The following SAMD8 variants were observed in gnomAD, a reference collection of about 807,000 sequenced individuals.
SAMD8 encodes the protein sphingomyelin synthase-related protein 1.
SAMD8 carries 20 observed loss-of-function variants against 42.0 expected under a neutral mutation model. That is an observed-to-expected ratio of 0.48 (90% confidence interval 0.34 to 0.69). SAMD8 has a LOEUF of 0.69. Among genes scored for constraint, SAMD8 ranks in the 30% least tolerant of loss-of-function variants. The pLI is 0.01. For missense variants in SAMD8, 328 were observed against 511.6 expected, an observed-to-expected ratio of 0.64 and a Z score of 3.46; for synonymous variants, 162 against 173.0, an observed-to-expected ratio of 0.94 and a Z score of 0.50.
intron 1 of SAMD8, among the ~76,000 whole-genome samples, chr10:75,122,952 AC>A (rs1465392357): frequency 1.3e-5 from 2 of 152,096 alleles, no homozygotes; most frequent in African/African-American, 4.8e-5. Flanking sequence ...CCTGGAATGA[AC>A]CCTGTTTGGT....
At chr10:75,168,326 T>C in intron 3 of SAMD8, 1 of 559,906 alleles carries the variant, frequency 1.8e-6, no homozygotes, top group Non-Finnish European at 2.3e-6. Context: ...CCACATAGTA[T>C]ATAAATAGCT....
rs1352346709 is a variant in SAMD8 at position 75,179,954 on chromosome 10, T to G, written c.*3262T>G. ...TTGGTTTGGGGATGCAAACTGGAGG[T>G]TATGTTACAAGTCTTCAATGCATTT... is the stretch of plus-strand genomic sequence containing the variant. On this transcript the variant is annotated 3_prime_UTR_variant, in exon 6 of 6. Coordinates refer to ENST00000542569, the MANE Select transcript of SAMD8 (RefSeq NM_001174156.2). 1.3e-5 allele frequency: 2 copies of G among 152,016 alleles called. No individual in the cohort carries two copies. Among genetic ancestry groups the G allele is most frequent in the Non-Finnish European group, 2.9e-5 (2 of 67,986 alleles). 9.4% of individuals were successfully genotyped at this position (152,016 alleles called of 1,614,324 possible).
intron 1 of SAMD8, among the ~76,000 whole-genome samples, chr10:75,124,438 C>A (rs1434616768): frequency 6.6e-6 from 1 of 152,014 alleles, no homozygotes; most frequent in African/African-American, 2.4e-5. Context: ...CGTGGTGAAA[C>A]CCTGTCTCTA....
At chr10:75,172,501 A>ATTTTTT (rs756029536) in intron 4 of SAMD8, among the ~76,000 whole-genome samples, 4 of 141,136 alleles carry the variant, frequency 2.8e-5, no homozygotes, top group African/African-American at 5.2e-5. Context: ...CAGCCAACTG[A>ATTTTTT]TTTTTTTTTT....
At position 75,124,473 on chromosome 10, in the gene SAMD8, C is replaced by T. The variant is rs141115955; in HGVS notation, c.-16+12751C>T. On this transcript the variant is annotated intron_variant, in intron 1 of 5. Transcript: ENST00000542569. The stretch of plus-strand genomic sequence containing the variant: ...AGTAAAAATACAAAAATTAGCCAGG[C>T]GTGGTGGCGCACGCCTGTAGTTCCA... Among the ~76,000 whole-genome samples the T allele has an allele frequency of 3.8e-3, 580 of 152,030 alleles. 1 individual carries two copies. Among genetic ancestry groups the T allele is most frequent in the African/African-American group, 0.011 (465 of 41,482 alleles).
At position 75,150,947 on chromosome 10, in the gene SAMD8, A is replaced by C. The variant is rs1195507756; in HGVS notation, c.419A>C (p.His140Pro). 1.9e-6 allele frequency: 3 copies of C among 1,613,236 alleles called. No homozygotes were observed. The highest frequency in any genetic ancestry group is 1.1e-5 in the South Asian group (1 of 90,898). Residue 140 changes from histidine to proline, a missense_variant, in exon 2 of 6, where the codon CAT (histidine) becomes CCT (proline). His to Pro is a moderately conservative substitution (Grantham distance 77). This residue lies in a region of SAMD8 where 150 missense variants were observed against 186.0 expected (regional missense o/e 0.81). Transcript: ENST00000542569. The stretch of plus-strand genomic sequence containing the variant: ...CAGTACATGAATGGTAAAAACAAAC[A>C]TTCTGTTCGAAGATTGGACCCAGAA... ...QYQYMNGKNKHSVRRLDPEYW... is the reference protein window; with the variant it reads ...QYQYMNGKNKPSVRRLDPEYW...
At chr10:75,158,412 C>T (rs556991893) in intron 2 of SAMD8, among the ~76,000 whole-genome samples, 47 of 151,804 alleles carry the variant, frequency 3.1e-4, no homozygotes, top group African/African-American at 1.0e-3. Flanking sequence ...GCCAACATGG[C>T]GAAACCCTGT....
At chr10:75,104,729 A>T (rs1268914432) in intron 1 of SAMD8, among the ~76,000 whole-genome samples, 1 of 152,146 alleles carries the variant, frequency 6.6e-6, no homozygotes, top group Non-Finnish European at 1.5e-5. Flanking sequence ...TTCTTATCAC[A>T]GTCACCCCCA....
intron 1 of SAMD8, among the ~76,000 whole-genome samples, chr10:75,133,357 T>A (rs1366445806): frequency 6.6e-6 from 1 of 151,346 alleles, no homozygotes; most frequent in Non-Finnish European, 1.5e-5. Flanking sequence ...GGGCCAAGAC[T>A]GCACCACTGC....
At chr10:75,118,055 A>G (rs1312047263) in intron 1 of SAMD8, among the ~76,000 whole-genome samples, 1 of 152,228 alleles carries the variant, frequency 6.6e-6, no homozygotes, top group Admixed American at 6.5e-5. Flanking sequence ...GTTATTTGGT[A>G]TATATGACAA....
At chr10:75,143,781 G>A in intron 1 of SAMD8, among the ~76,000 whole-genome samples, 1 of 151,628 alleles carries the variant, frequency 6.6e-6, no homozygotes, top group Non-Finnish European at 1.5e-5. Context: ...TAAGCTTCTT[G>A]GATACACATG....
chr10:75,152,293 C>T (rs1181071307), intron 2 of SAMD8, among the ~76,000 whole-genome samples: 3 of 145,920 alleles, frequency 2.1e-5, no homozygotes, highest in Non-Finnish European at 3.0e-5. Flanking sequence ...GAGGCCGAGG[C>T]GGGCGGATCA....
intron 1 of SAMD8, among the ~76,000 whole-genome samples, chr10:75,116,133 A>G (rs1848876523): frequency 6.6e-6 from 1 of 151,594 alleles, no homozygotes; most frequent in Non-Finnish European, 1.5e-5. Context: ...ATAGGGTCTC[A>G]CTGTCTCCCA....
At chr10:75,165,696 C>T (rs1840658428) in intron 3 of SAMD8, among the ~76,000 whole-genome samples, 1 of 149,962 alleles carries the variant, frequency 6.7e-6, no homozygotes, top group South Asian at 2.1e-4. Context: ...AGATTATTAG[C>T]CAGGCACAGT....
chr10:75,180,182 C>G lies in SAMD8; in HGVS notation c.*3490C>G, dbSNP rs1304834462. 6.6e-6 allele frequency: 1 copy of G among 152,122 alleles called. No individual in the cohort carries two copies. The highest frequency in any genetic ancestry group is 2.4e-5 in the African/African-American group (1 of 41,418). The allele number at this position is 152,122 out of a possible 1,614,324, so 9.4% of individuals were successfully genotyped here. A position where few individuals can be genotyped will look rare whatever the true frequency, so the allele number is the denominator to read the frequency against. On this transcript the variant is annotated 3_prime_UTR_variant, in exon 6 of 6. Coordinates refer to ENST00000542569, the MANE Select transcript of SAMD8 (RefSeq NM_001174156.2). The stretch of plus-strand genomic sequence containing the variant: ...TGCAAGAATTCTTTATGTGGCTATC[C>G]TCTCCATAGTTTTCTGACCAGAATT...
upstream of SAMD8, chr10:75,108,929 C>T: frequency 2.0e-6 from 3 of 1,506,022 alleles, no homozygotes; most frequent in Non-Finnish European, 2.7e-6. Context: ...CTTGTTTCCA[C>T]CCTCCTGTGT....
chr10:75,131,917 T>C (rs1849282248), intron 1 of SAMD8, among the ~76,000 whole-genome samples: 1 of 152,210 alleles, frequency 6.6e-6, no homozygotes, highest in African/African-American at 2.4e-5. Flanking sequence ...AATGCAGATA[T>C]AAAATTTCTG....
chr10:75,105,872 A>G, intron 1 of SAMD8: 1 of 1,546,056 alleles, frequency 6.5e-7, no homozygotes, highest in Middle Eastern at 1.9e-4. Context: ...ACCTTGGCTG[A>G]GGAAGACATC....
rs2132224504 is a variant in SAMD8 at position 75,177,741 on chromosome 10, TG to T, written c.*1050del. The T allele has an allele frequency of 6.6e-6, 1 of 152,362 alleles. No homozygotes were observed. Among genetic ancestry groups the T allele is most frequent in the African/African-American group, 2.4e-5 (1 of 41,586 alleles). The allele number at this position is 152,362 out of a possible 1,614,324, so 9.4% of individuals were successfully genotyped here. On this transcript the variant is annotated 3_prime_UTR_variant, in exon 6 of 6. Transcript: ENST00000542569. ...ATACTTGGATATGAAAAAGTTTCGT[TG>T]TTTTTTACTTTTAAATATAATGGTG...
Sources: gnomAD v4.1 joint callset for allele counts (sites outside exome capture counted in the v4.1 genomes callset) on GRCh38, gnomAD v4.1.1 for gene constraint, gnomAD v4.1.1 regional missense constraint, MANE v1.5 for transcripts, NCBI Gene and HGNC (gene_info 2026-07-23, HGNC 2026-07-21) for gene names.